Variants in SARM1 observed in about 807,000 individuals in gnomAD.
The protein encoded by SARM1 is NAD(+) hydrolase SARM1.
In SARM1, 60 loss-of-function variants were observed where a neutral mutation model predicts 65.1. The ratio of observed to expected loss-of-function variants is 0.92; its 90% confidence interval spans 0.75 to 1.14. SARM1 has a LOEUF of 1.14. SARM1 is among the 50% of genes most tolerant of loss of function. SARM1 has a pLI of 0.00. For missense variants in SARM1, 913 were observed against 1,015.7 expected (o/e 0.90, Z 1.37); for synonymous variants, 417 against 465.4 (o/e 0.90, Z 1.34).
Position 28,384,776 on chromosome 17 carries a change from C to T in SARM1, c.1303-63C>T. The T allele has an allele frequency of 6.9e-7, 1 of 1,450,562 alleles. No homozygotes were observed. Among genetic ancestry groups the T allele is most frequent in the Non-Finnish European group, 9.5e-7 (1 of 1,055,060 alleles). 89.9% of individuals were successfully genotyped at this position (1,450,562 alleles called of 1,614,324 possible). A position where few individuals can be genotyped will look rare whatever the true frequency, so the allele number is the denominator to read the frequency against. On this transcript the variant is annotated intron_variant, in intron 3 of 8. Coordinates refer to ENST00000585482, the MANE Select transcript of SARM1 (RefSeq NM_015077.4). The surrounding 1 kb of genome is among the most constrained non-coding windows in gnomAD (Gnocchi z 4.4). ...CCATCTCCAGTTCCTTCCCTTGCATCTTGTGCTCGAGGTCCAAGGGCGGAG... is the reference window on the plus strand; with the variant it reads ...CCATCTCCAGTTCCTTCCCTTGCATTTTGTGCTCGAGGTCCAAGGGCGGAG...
rs782282998 is a variant in SARM1 at position 28,395,961 on chromosome 17, C to T, written c.1980C>T (p.Phe660=). The T allele has an allele frequency of 1.9e-5, 30 of 1,613,852 alleles. No individual in the cohort carries two copies. In the Middle Eastern group the frequency reaches 1.5e-3, roughly 80 times the overall value. ...ACATTGTGCCCATCATTGATGGCTT[C>T]GAGTGGCCTGAGCCCCAGGTCCTGC... The part of the protein sequence containing the change: ...GKNIVPIIDG[F]EWPEPQVLPE... Residue 660 remains phenylalanine (F), a synonymous_variant, in exon 8 of 9, where the codon TTC becomes TTT. Coordinates refer to ENST00000585482, the MANE Select transcript of SARM1 (RefSeq NM_015077.4).
In SARM1 at chr17:28,399,648, C is replaced by T. The variant is rs541930259; in HGVS notation, c.*3362C>T. The stretch of plus-strand genomic sequence containing the variant: ...TCCTCTTGCCCTCTGTCTTCTGGTC[C>T]AGGCAGATCAGGGGCTCTGGGGAAA... On this transcript the variant is annotated 3_prime_UTR_variant, in exon 9 of 9. Coordinates refer to ENST00000585482, the MANE Select transcript of SARM1 (RefSeq NM_015077.4). 3 of 1,613,986 alleles carry T rather than the reference C, an allele frequency of 1.9e-6. No individual in the cohort carries two copies. Among genetic ancestry groups the T allele is most frequent in the African/African-American group, 1.3e-5 (1 of 75,038 alleles).
At chr17:28,392,739 C>CGAAGTT (rs2142438017) in intron 7 of SARM1, among the ~76,000 whole-genome samples, 1 of 152,230 alleles carries the variant, frequency 6.6e-6, no homozygotes, top group South Asian at 2.1e-4. Flanking sequence ...CAGTCAAGGA[C>CGAAGTT]GAAGTTACGC....
At chr17:28,396,110 C>T in intron 8 of SARM1, 47 bp from the exon 9 acceptor site, 1 of 1,613,770 alleles carries the variant, frequency 6.2e-7, no homozygotes, top group Non-Finnish European at 8.5e-7. Context: ...TGACTAGCAG[C>T]TCCCTCTGCC....
At chr17:28,389,319 T>C (rs2068069204) in intron 7 of SARM1, among the ~76,000 whole-genome samples, 1 of 152,204 alleles carries the variant, frequency 6.6e-6, no homozygotes, top group South Asian at 2.1e-4. Flanking sequence ...GCAGAATGGC[T>C]GGCACATAGT....
In SARM1 at chr17:28,385,254, C is replaced by A. The variant is rs868958911; in HGVS notation, c.1609C>A (p.Arg537Ser). 4 of 1,565,068 alleles carry A rather than the reference C, an allele frequency of 2.6e-6. No homozygotes were observed. The Admixed American group carries it at 7.2e-5, about 28-fold the overall frequency. ...CGIHLGVHRA[R>S]ILTAAREMLH... is the part of the protein sequence containing the mutation. ...CATCCACCTGGGCGTGCACCGCGCC[C>A]GCATCCTCACGGCGGCCAGAGGTCA... is the stretch of plus-strand genomic sequence containing the variant. Residue 537 changes from arginine to serine, a missense_variant, in exon 5 of 9, where the codon CGC (arginine) becomes AGC (serine). Transcript: ENST00000585482. This position sits in a 1 kb window ranked among gnomAD's most constrained non-coding sequence, Gnocchi z 4.5.
rs2068175642 is a variant in SARM1 at position 28,399,900 on chromosome 17, T to C, written c.*3614T>C. 1.7e-6 allele frequency: 1 copy of C among 604,850 alleles called. No homozygotes were observed. The highest frequency in any genetic ancestry group is 2.9e-6 in the Non-Finnish European group (1 of 340,516). 37.5% of individuals were successfully genotyped at this position (604,850 alleles called of 1,614,324 possible). ...GGGACATGGCTCTGGAAAATAACTT[T>C]TTTTTTTTTAAGAGACAGGGTCTTG... On this transcript the variant is annotated 3_prime_UTR_variant, in exon 9 of 9. Coordinates refer to ENST00000585482, the MANE Select transcript of SARM1 (RefSeq NM_015077.4).
chr17:28,374,276 C>T (rs1380331925), intron 1 of SARM1: 3 of 84,038 alleles, frequency 3.6e-5, no homozygotes, highest in Non-Finnish European at 6.6e-5. Context: ...GAGCAAGACT[C>T]GTCTCAAAAA....
At chr17:28,395,258 G>A (rs1207053152) in intron 7 of SARM1, 4 of 152,118 alleles carry the variant, frequency 2.6e-5, no homozygotes, top group Admixed American at 6.5e-5. Context: ...ATGCCCAGCT[G>A]AATTATTTAA....
chr17:28,385,994 G>A lies in SARM1; in HGVS notation c.1630+719G>A, dbSNP rs2068048573. Among the ~76,000 whole-genome samples the A allele has an allele frequency of 6.6e-6, 1 of 152,132 alleles. No homozygotes were observed. Among genetic ancestry groups the A allele is most frequent in the Admixed American group, 6.5e-5 (1 of 15,270 alleles). The stretch of plus-strand genomic sequence containing the variant: ...AACTCTTGAAAGAATAAAAAGAGGA[G>A]TAAGTGTCCAGTTTGAGGGCCGGGC... On this transcript the variant is annotated intron_variant, in intron 5 of 8. Transcript: ENST00000585482. This position sits in a 1 kb window ranked among gnomAD's most constrained non-coding sequence, Gnocchi z 4.5.
chr17:28,395,937 C>T lies in SARM1; in HGVS notation c.1956C>T (p.Asn652=). The change falls in exon 8 of 9, where the codon AAC becomes AAT. Residue 652 remains asparagine (N), a synonymous_variant. Transcript: ENST00000585482. ...TGACTGCTTTAAGCTGCGGCAAGAACATTGTGCCCATCATTGATGGCTTCG... is the reference window on the plus strand; with the variant it reads ...TGACTGCTTTAAGCTGCGGCAAGAATATTGTGCCCATCATTGATGGCTTCG... The part of the protein sequence containing the change: ...EIVTALSCGK[N]IVPIIDGFEW... 4.3e-6 allele frequency: 7 copies of T among 1,613,986 alleles called. No individual in the cohort carries two copies. Among genetic ancestry groups the T allele is most frequent in the Non-Finnish European group, 5.9e-6 (7 of 1,179,880 alleles).
chr17:28,395,557 C>T (rs532298179), intron 7 of SARM1: 6 of 230,282 alleles, frequency 2.6e-5, no homozygotes, highest in African/African-American at 1.1e-4. Context: ...ATCCTCTAGT[C>T]ATGCCCTGGT....
rs1332818278 is a variant in SARM1, at chr17:28,381,229, G to C, written c.497G>C (p.Gly166Ala). 1.2e-6 allele frequency: 2 copies of C among 1,609,974 alleles called. No homozygotes were observed. The highest frequency in any genetic ancestry group is 8.5e-7 in the Non-Finnish European group (1 of 1,178,186). Residue 166 changes from glycine (G) to alanine (A), a missense_variant, in exon 2 of 9, where the codon GGC becomes GCC. Around this residue, in one of 3 missense-constraint regions of SARM1, gnomAD observed 862 missense variants for 952.1 expected, o/e 0.91. Transcript: ENST00000585482. ...GACCGCGTGGCGCGCATTGGGCTGG[G>C]CGTGATCCTGAACCTGGCGAAGGAA... is the stretch of plus-strand genomic sequence containing the variant. Reference protein sequence around the residue: ...NRDRVARIGLGVILNLAKERE... With the variant: ...NRDRVARIGLAVILNLAKERE...
At chr17:28,379,604 C>G (rs1418250303) in intron 1 of SARM1, among the ~76,000 whole-genome samples, 1 of 152,112 alleles carries the variant, frequency 6.6e-6, no homozygotes, top group African/African-American at 2.4e-5. Context: ...GCCACCGCAC[C>G]CGGCCTAGAT....
intron 8 of SARM1, 48 bp downstream of exon 8, chr17:28,396,074 T>C (rs554361394): frequency 3.1e-6 from 5 of 1,613,496 alleles, no homozygotes; most frequent in Non-Finnish European, 4.2e-6. Context: ...CAAATCACCA[T>C]GACAGGCAGA....
At chr17:28,377,973 C>T (rs1338543631) in intron 1 of SARM1, among the ~76,000 whole-genome samples, 1 of 152,176 alleles carries the variant, frequency 6.6e-6, no homozygotes, top group East Asian at 1.9e-4. Flanking sequence ...GCTGGGATTA[C>T]AGGCATGAGC....
Position 28,399,926 on chromosome 17 carries a change from C to T in SARM1, c.*3640C>T, listed in dbSNP as rs2068175950. On this transcript the variant is annotated 3_prime_UTR_variant, in exon 9 of 9. Transcript: ENST00000585482. ...TTTTTTTTTAAGAGACAGGGTCTTG[C>T]TCTGTTGTCCAGGCTGGAGGGCAGT... 5.4e-6 allele frequency: 3 copies of T among 552,250 alleles called. No individual in the cohort carries two copies. Among genetic ancestry groups the T allele is most frequent in the African/African-American group, 1.9e-5 (1 of 52,758 alleles). 34.2% of individuals were successfully genotyped at this position (552,250 alleles called of 1,614,324 possible).
Position 28,402,112 on chromosome 17 carries a change from G to A in SARM1, c.*5826G>A. 1 of 735,548 alleles carries A rather than the reference G, an allele frequency of 1.4e-6. No homozygotes were observed. Among genetic ancestry groups the A allele is most frequent in the Non-Finnish European group, 2.2e-6 (1 of 458,806 alleles). 45.6% of individuals were successfully genotyped at this position (735,548 alleles called of 1,614,324 possible). ...AATTTCACAGAAATGTGTTTGTTTT[G>A]GCCACTTACTTCTCCAGGGTGAGAG... On this transcript the variant is annotated 3_prime_UTR_variant, in exon 9 of 9. Coordinates refer to ENST00000585482, the MANE Select transcript of SARM1 (RefSeq NM_015077.4).
rs933002862 is a variant in SARM1 at position 28,398,770 on chromosome 17, G to C, written c.*2484G>C. On this transcript the variant is annotated 3_prime_UTR_variant, in exon 9 of 9. Transcript: ENST00000585482. ...AAGTGGGAAGTATCTCAGAGAATCA[G>C]CTAAGTTTCCTAACTTGTCCATCCA... 6.6e-6 allele frequency: 1 copy of C among 152,278 alleles called. No individual in the cohort carries two copies. The highest frequency in any genetic ancestry group is 2.4e-5 in the African/African-American group (1 of 41,466). The allele number at this position is 152,278 out of a possible 1,614,324, so 9.4% of individuals were successfully genotyped here.
Sources: allele counts gnomAD v4.1 joint callset (sites outside exome capture counted in the v4.1 genomes callset), GRCh38; gene constraint gnomAD v4.1.1; regional missense constraint gnomAD v4.1.1; non-coding constraint Gnocchi (gnomAD v3.1); transcripts MANE v1.5; gene names NCBI Gene and HGNC (gene_info 2026-07-23, HGNC 2026-07-21).